The following MAP3K13 variants were observed in gnomAD, a reference collection of about 807,000 sequenced individuals.
MAP3K13 encodes mitogen-activated protein kinase kinase kinase 13.
Under a neutral mutation model 104.0 loss-of-function variants are expected in MAP3K13, and 52 were observed. The observed-to-expected ratio is 0.50, with a 90% confidence interval of 0.40 to 0.63. The LOEUF (loss-of-function observed/expected upper bound fraction) is 0.63, where lower values mean the gene tolerates loss of function less well. MAP3K13 is among the 20% of genes least tolerant of loss of function. MAP3K13 has a pLI of 0.00. For synonymous variants in MAP3K13, 394 were observed against 442.2 expected (o/e 0.89, Z 1.37); for missense variants, 914 against 1,218.5 (o/e 0.75, Z 3.72).
chr3:185,446,087 C>T (rs1715575682), intron 4 of MAP3K13, among the ~76,000 whole-genome samples: 1 of 152,076 alleles, frequency 6.6e-6, no homozygotes, highest in Admixed American at 6.6e-5. Flanking sequence ...TATTCAAAAG[C>T]AATTGTAAGC....
intron 2 of MAP3K13, among the ~76,000 whole-genome samples, chr3:185,353,481 G>A (rs1482050737): frequency 1.3e-5 from 2 of 152,158 alleles, no homozygotes; most frequent in Non-Finnish European, 2.9e-5. Context: ...GCATAGGTGT[G>A]GGCTACGGTC....
chr3:185,420,275 C>T (rs984368106), intron 1 of MAP3K13, among the ~76,000 whole-genome samples: 2 of 152,098 alleles, frequency 1.3e-5, no homozygotes, highest in Admixed American at 6.6e-5. Context: ...GATAAAGGCA[C>T]GATTGTAGGC....
At position 185,474,705 on chromosome 3, in the gene MAP3K13, C is replaced by T. The variant is rs565535594; in HGVS notation, c.2430+944C>T. 9.8e-5 allele frequency among the ~76,000 whole-genome samples: 15 copies of T among 152,288 alleles called. No homozygotes were observed. The East Asian group carries it at 2.9e-3, about 29-fold the overall frequency. ...TTAATCATTGAAACCTGTTTCTCTC[C>T]TCCTTATCCACTGGCTGCCTGGGAT... is the stretch of plus-strand genomic sequence containing the variant. On this transcript the variant is annotated intron_variant, in intron 11 of 13. Coordinates refer to ENST00000265026, the MANE Select transcript of MAP3K13 (RefSeq NM_004721.5).
At chr3:185,455,196 A>ATATATGATATATATGAGATATG (rs1716407361) in intron 7 of MAP3K13, among the ~76,000 whole-genome samples, 1 of 107,568 alleles carries the variant, frequency 9.3e-6, no homozygotes, top group African/African-American at 3.2e-5. Flanking sequence ...TATGAGATAT[A>ATATATGATATATATGAGATATG]TATATGATAT....
chr3:185,380,329 G>A (rs1247607944), intron 1 of MAP3K13, among the ~76,000 whole-genome samples: 1 of 151,628 alleles, frequency 6.6e-6, no homozygotes, highest in African/African-American at 2.4e-5. Context: ...TGGCCAACAT[G>A]GTGAAACCCC....
At chr3:185,481,918 A>G (rs1425345730) in intron 13 of MAP3K13, among the ~76,000 whole-genome samples, 1 of 152,200 alleles carries the variant, frequency 6.6e-6, no homozygotes, top group Non-Finnish European at 1.5e-5. Context: ...CCCTGTCTCT[A>G]CTAAAAATAC....
intron 2 of MAP3K13, among the ~76,000 whole-genome samples, chr3:185,308,423 C>A (rs575986904): frequency 1.3e-5 from 2 of 152,198 alleles, no homozygotes; most frequent in Non-Finnish European, 2.9e-5. Context: ...CATTCCAAGT[C>A]AGGTAAGACA....
At chr3:185,334,211 A>G (rs981640233) in intron 2 of MAP3K13, among the ~76,000 whole-genome samples, 9 of 152,244 alleles carry the variant, frequency 5.9e-5, no homozygotes, top group Admixed American at 1.3e-4. Flanking sequence ...ATGATCATGG[A>G]TATAAATTGT....
intron 1 of MAP3K13, among the ~76,000 whole-genome samples, chr3:185,413,174 A>T (rs1713543331): frequency 1.3e-5 from 2 of 152,248 alleles, no homozygotes; most frequent in Non-Finnish European, 2.9e-5. Context: ...TTACTAAAAC[A>T]TGGTTGCAAA....
At chr3:185,342,367 T>A (rs1204041754) in intron 2 of MAP3K13, among the ~76,000 whole-genome samples, 1 of 152,230 alleles carries the variant, frequency 6.6e-6, no homozygotes, top group African/African-American at 2.4e-5. Context: ...TGCAAGCTGC[T>A]CTGTCTGTCT....
chr3:185,295,041 C>A (rs1262906720), intron 2 of MAP3K13, among the ~76,000 whole-genome samples: 3 of 152,152 alleles, frequency 2.0e-5, no homozygotes, highest in African/African-American at 7.2e-5. Context: ...CAATTCTAAT[C>A]TTTTTGGTCC....
At chr3:185,308,496 T>C (rs183174847) in intron 2 of MAP3K13, among the ~76,000 whole-genome samples, 1 of 133,506 alleles carries the variant, frequency 7.5e-6, no homozygotes, top group Admixed American at 7.9e-5. Flanking sequence ...TCTACTCTTC[T>C]CTTTTCTTCA....
chr3:185,465,854 A>ATCCT lies in MAP3K13; in HGVS notation c.1496_1497insTCCT (p.Glu499AspfsTer5), dbSNP rs1717384932. ...CTGCAGCTAGAAATGCGGGAGAAGG[A>ATCCT]GCTCATTAAGTATGTATCCAGACTA... On this transcript the variant is annotated frameshift_variant, in exon 9 of 14. Transcript: ENST00000265026. LOFTEE classifies it high-confidence loss of function. 6.2e-7 allele frequency: 1 copy of ATCCT among 1,611,302 alleles called. No individual in the cohort carries two copies. Among genetic ancestry groups the ATCCT allele is most frequent in the Non-Finnish European group, 8.5e-7 (1 of 1,177,462 alleles).
intron 1 of MAP3K13, among the ~76,000 whole-genome samples, chr3:185,424,258 A>C (rs967654890): frequency 6.6e-6 from 1 of 152,138 alleles, no homozygotes; most frequent in African/African-American, 2.4e-5. Flanking sequence ...TGTGTTCTGG[A>C]TTCCTTACCT....
At chr3:185,459,872 C>G (rs1012452519) in intron 7 of MAP3K13, among the ~76,000 whole-genome samples, 2 of 152,156 alleles carry the variant, frequency 1.3e-5, no homozygotes, top group Non-Finnish European at 2.9e-5. Flanking sequence ...ACTCCCCATT[C>G]CCTCCTCCCC....
chr3:185,284,319 A>G (rs1720427297), intron 1 of MAP3K13, among the ~76,000 whole-genome samples: 1 of 152,210 alleles, frequency 6.6e-6, no homozygotes, highest in South Asian at 2.1e-4. Context: ...GGTGTTTATA[A>G]GTAAGGTTAA....
intron 2 of MAP3K13, among the ~76,000 whole-genome samples, chr3:185,319,433 G>C (rs1029341458): frequency 6.6e-6 from 1 of 152,226 alleles, no homozygotes; most frequent in African/African-American, 2.4e-5. Context: ...CAATACACCA[G>C]GTTAAAGAAG....
chr3:185,368,974 C>A (rs1417121476), intron 1 of MAP3K13, among the ~76,000 whole-genome samples: 28 of 119,420 alleles, frequency 2.3e-4, no homozygotes, highest in South Asian at 1.1e-3. Flanking sequence ...AAAAAAAAAA[C>A]CAAGTAGAAT....
intron 10 of MAP3K13, among the ~76,000 whole-genome samples, chr3:185,467,644 G>A (rs1219572658): frequency 2.0e-5 from 3 of 152,084 alleles, no homozygotes; most frequent in Admixed American, 6.6e-5. Flanking sequence ...TTATCTGGGC[G>A]TGGTGGCACG....
Sources: gnomAD v4.1 joint callset for allele counts (sites outside exome capture counted in the v4.1 genomes callset) on GRCh38, gnomAD v4.1.1 for gene constraint, MANE v1.5 for transcripts, NCBI Gene and HGNC (gene_info 2026-07-23, HGNC 2026-07-21) for gene names.